The following LSM6 variants were observed in gnomAD, a reference collection of about 807,000 sequenced individuals.
The protein encoded by LSM6 is LSM6 homolog, U6 small nuclear RNA and mRNA degradation associated.
LSM6 carries 2 observed loss-of-function variants against 13.5 expected under a neutral mutation model. The ratio of observed to expected loss-of-function variants is 0.15; its 90% confidence interval spans 0.06 to 0.47. The LOEUF (loss-of-function observed/expected upper bound fraction) is 0.47. LSM6 is among the 20% of genes least tolerant of loss of function. The pLI, the probability that LSM6 is intolerant of heterozygous loss-of-function variation, is 0.97. For synonymous variants in LSM6, 43 were observed against 34.9 expected, an observed-to-expected ratio of 1.23 and a Z score of -0.82; for missense variants, 58 against 96.4, an observed-to-expected ratio of 0.60 and a Z score of 1.67.
intron 2 of LSM6, chr4:146,183,611 G>A (rs910317511): frequency 5.2e-5 from 8 of 152,494 alleles, no homozygotes; most frequent in African/African-American, 1.7e-4. Context: ...CCAAGCTAAG[G>A]TATGTTAAGT....
At chr4:146,177,624 T>A (rs913042376) in intron 1 of LSM6, among the ~76,000 whole-genome samples, 2 of 151,918 alleles carry the variant, frequency 1.3e-5, no homozygotes, top group East Asian at 1.9e-4. Flanking sequence ...AAGAACAATT[T>A]TTTTTATTTT....
In LSM6 at chr4:146,190,475, T is replaced by C. The variant is rs1450286508; in HGVS notation, c.*819T>C. The C allele has an allele frequency of 6.6e-6, 1 of 152,228 alleles. No individual in the cohort carries two copies. The highest frequency in any genetic ancestry group is 2.4e-5 in the African/African-American group (1 of 41,446). The allele number at this position is 152,228 out of a possible 1,614,324, so 9.4% of individuals were successfully genotyped here. A position where few individuals can be genotyped will look rare whatever the true frequency, so the allele number is the denominator to read the frequency against. ...AAGCAAAGCCTAGAGTTTGTAAACA[T>C]AATTCAGGTTCTAATTGCCGAGCTG... On this transcript the variant is annotated 3_prime_UTR_variant, in exon 4 of 4. Transcript: ENST00000296581.
intron 1 of LSM6, chr4:146,181,177 A>G (rs990678348): frequency 5.3e-5 from 8 of 152,362 alleles, no homozygotes; most frequent in Middle Eastern, 3.4e-3. Context: ...CATTTTAAAA[A>G]CATCTTTCAA....
At chr4:146,183,435 G>C (rs781310104) in intron 2 of LSM6, 4 of 162,554 alleles carry the variant, frequency 2.5e-5, no homozygotes, top group Admixed American at 2.3e-4. Flanking sequence ...CTCATATAAC[G>C]TATAATGTGT....
At chr4:146,178,902 G>A (rs1426507261) in intron 1 of LSM6, among the ~76,000 whole-genome samples, 7 of 152,224 alleles carry the variant, frequency 4.6e-5, no homozygotes, top group African/African-American at 4.8e-5. Context: ...TGGGCTTTGG[G>A]GTCAGCCTTG....
At chr4:146,180,866 A>T (rs991037373) in intron 1 of LSM6, 1 of 152,250 alleles carries the variant, frequency 6.6e-6, no homozygotes, top group Non-Finnish European at 1.5e-5. Flanking sequence ...AACAGCATGT[A>T]TTCAAAATGT....
intron 2 of LSM6, among the ~76,000 whole-genome samples, chr4:146,185,485 C>A (rs2110887868): frequency 6.7e-6 from 1 of 149,320 alleles, no homozygotes; most frequent in Non-Finnish European, 1.5e-5. Context: ...CCCAAAAAAC[C>A]CCAAAGCAAA....
intron 1 of LSM6, among the ~76,000 whole-genome samples, chr4:146,179,861 T>G (rs1730193239): frequency 1.3e-5 from 2 of 152,224 alleles, no homozygotes; most frequent in Admixed American, 1.3e-4. Context: ...TTGCCAGTTA[T>G]TTCCTAGGCT....
intron 3 of LSM6, among the ~76,000 whole-genome samples, chr4:146,187,748 T>A (rs1176330483): frequency 6.6e-6 from 1 of 152,232 alleles, no homozygotes; most frequent in Admixed American, 6.5e-5. Flanking sequence ...CTGTCTTTGA[T>A]TTGCATAATT....
At chr4:146,180,989 A>G (rs1730219476) in intron 1 of LSM6, 1 of 152,232 alleles carries the variant, frequency 6.6e-6, no homozygotes, top group Non-Finnish European at 1.5e-5. Flanking sequence ...TGTACTCAGA[A>G]CAGTGTAAAT....
In LSM6 at chr4:146,189,669, A is replaced by C. The variant is rs765081560; in HGVS notation, c.*13A>C. 3.8e-6 allele frequency: 6 copies of C among 1,590,200 alleles called. No homozygotes were observed. Among genetic ancestry groups the C allele is most frequent in the Non-Finnish European group, 5.1e-6 (6 of 1,167,434 alleles). ...GAGACGGATGTGAAGACACCAAGAG[A>C]GCAACGCTTTTCATAGTTGGATATA... On this transcript the variant is annotated 3_prime_UTR_variant, in exon 4 of 4. Coordinates refer to ENST00000296581, the MANE Select transcript of LSM6 (RefSeq NM_007080.3).
intron 1 of LSM6, among the ~76,000 whole-genome samples, chr4:146,180,028 C>T (rs1730198428): frequency 6.6e-6 from 1 of 152,222 alleles, no homozygotes; most frequent in Admixed American, 6.5e-5. Context: ...TCCTCCTTGC[C>T]TATGTAGATT....
chr4:146,185,143 A>C (rs1018907340), intron 2 of LSM6, among the ~76,000 whole-genome samples: 1 of 152,280 alleles, frequency 6.6e-6, no homozygotes, highest in Admixed American at 6.5e-5. Flanking sequence ...AAGTTGACCA[A>C]ACATCTCTTT....
At position 146,190,590 on chromosome 4, in the gene LSM6, T is replaced by C. The variant is rs1730449797; in HGVS notation, c.*934T>C. 1 of 152,256 alleles carries C rather than the reference T, an allele frequency of 6.6e-6. No individual in the cohort carries two copies. Among genetic ancestry groups the C allele is most frequent in the African/African-American group, 2.4e-5 (1 of 41,450 alleles). 9.4% of individuals were successfully genotyped at this position (152,256 alleles called of 1,614,324 possible). The stretch of plus-strand genomic sequence containing the variant: ...AATCAGCTGTATTTGCCTTTGACAT[T>C]GTCCAGGAGCAGAGCACCAGGCTTT... On this transcript the variant is annotated 3_prime_UTR_variant, in exon 4 of 4. Coordinates refer to ENST00000296581, the MANE Select transcript of LSM6 (RefSeq NM_007080.3).
intron 1 of LSM6, among the ~76,000 whole-genome samples, chr4:146,178,518 A>G (rs1730161043): frequency 6.6e-6 from 1 of 152,204 alleles, no homozygotes; most frequent in Non-Finnish European, 1.5e-5. Flanking sequence ...TCAGACACTG[A>G]TCTATTAGTC....
intron 1 of LSM6, 112 bp from the exon 2 acceptor site, chr4:146,182,800 A>G (rs1730259513): frequency 4.5e-6 from 3 of 666,164 alleles, no homozygotes; most frequent in East Asian, 2.7e-5. Flanking sequence ...GTCTTCTCGC[A>G]TGGTCCTTTG....
intron 3 of LSM6, among the ~76,000 whole-genome samples, chr4:146,188,644 C>CTCTA (rs2110892003): frequency 6.6e-6 from 1 of 152,242 alleles, no homozygotes; most frequent in South Asian, 2.1e-4. Context: ...GGAGAACCAC[C>CTCTA]TCTAGTTTGG....
intron 2 of LSM6, among the ~76,000 whole-genome samples, chr4:146,186,963 C>T (rs1051802929): frequency 5.3e-5 from 8 of 152,144 alleles, no homozygotes; most frequent in Non-Finnish European, 7.3e-5. Flanking sequence ...GTATTTTTGC[C>T]GGAATAGTCT....
At chr4:146,185,649 G>T (rs72727944) in intron 2 of LSM6, among the ~76,000 whole-genome samples, 32,615 of 149,820 alleles carry the variant, frequency 0.22, 4,462 homozygotes, top group Non-Finnish European at 0.3. Flanking sequence ...CAGTTTTTTT[G>T]TTGTTGTTGT....
Sources: allele counts gnomAD v4.1 joint callset (sites outside exome capture counted in the v4.1 genomes callset), GRCh38; gene constraint gnomAD v4.1.1; transcripts MANE v1.5; gene names NCBI Gene and HGNC (gene_info 2026-07-23, HGNC 2026-07-21).